IGSF9B: variants seen among roughly 807,000 people sequenced by gnomAD.
IGSF9B encodes protein turtle homolog B.
Under a neutral mutation model 143.7 loss-of-function variants are expected in IGSF9B, and 48 were observed. The ratio of observed to expected loss-of-function variants is 0.33; its 90% CI spans 0.26 to 0.42. IGSF9B has a LOEUF of 0.42. IGSF9B is among the 20% of genes least tolerant of loss of function. The probability of loss-of-function intolerance (pLI) is 1.00; values close to 1 mark genes in which losing one functional copy is unlikely to be tolerated. For missense variants in IGSF9B, 1,706 were observed against 1,980.0 expected, an observed-to-expected ratio of 0.86 and a Z score of 2.63; for synonymous variants, 903 against 833.1, an observed-to-expected ratio of 1.08 and a Z score of -1.44.
intron 1 of IGSF9B, among the ~76,000 whole-genome samples, chr11:133,947,440 C>G (rs1940074104): frequency 6.6e-6 from 1 of 152,238 alleles, no homozygotes; most frequent in South Asian, 2.1e-4. Context: ...GGGCACCCGA[C>G]TCTCCAGGGC....
Position 133,928,026 on chromosome 11 carries a change from T to C in IGSF9B, c.1632-935A>G, listed in dbSNP as rs904828132. ...CCCCAACCTCGGCCCCGCCCTTCCCTGGCCCAGGCAACAAAGCAGCGAGGA... is the reference window on the plus strand; with the variant it reads ...CCCCAACCTCGGCCCCGCCCTTCCCCGGCCCAGGCAACAAAGCAGCGAGGA... On this transcript the variant is annotated intron_variant, in intron 12 of 19. Transcript: ENST00000533871. The surrounding 1 kb of genome is among the most constrained non-coding windows in gnomAD (Gnocchi z 4.7). Among the ~76,000 whole-genome samples the C allele has an allele frequency of 6.6e-5, 10 of 152,156 alleles. No individual in the cohort carries two copies. The highest frequency in any genetic ancestry group is 2.2e-4 in the African/African-American group (9 of 41,424).
Position 133,935,702 on chromosome 11 carries a change from C to T in IGSF9B, c.882G>A (p.Lys294=). 6.2e-7 allele frequency: 1 copy of T among 1,611,074 alleles called. No homozygotes were observed. Among genetic ancestry groups the T allele is most frequent in the Non-Finnish European group, 8.5e-7 (1 of 1,178,870 alleles). ...IDGTLIIFRV[K]PEDSGKYTCV... is the part of the protein sequence containing the mutation. The stretch of plus-strand genomic sequence containing the variant: ...AGGTGTACTTCCCCGAGTCCTCCGG[C>T]TTCACCCGGAAGATGATCAGGGTCC... The change falls in exon 7 of 20, where the codon AAG becomes AAA. Residue 294 remains lysine, a synonymous_variant. Coordinates refer to ENST00000533871, the MANE Select transcript of IGSF9B (RefSeq NM_001277285.4).
intron 18 of IGSF9B, among the ~76,000 whole-genome samples, chr11:133,918,625 G>A (rs1233582127): frequency 6.6e-6 from 1 of 152,034 alleles, no homozygotes; most frequent in African/African-American, 2.4e-5. Flanking sequence ...CTGCGGGTGG[G>A]AGGTGACCTT....
intron 19 of IGSF9B, among the ~76,000 whole-genome samples, chr11:133,911,503 T>A (rs896642328): frequency 1.3e-5 from 2 of 152,112 alleles, no homozygotes; most frequent in African/African-American, 2.4e-5. Flanking sequence ...GAAAAATAGA[T>A]CTGTACTATT....
chr11:133,951,859 G>A (rs1195697324), intron 1 of IGSF9B: 5 of 227,962 alleles, frequency 2.2e-5, no homozygotes, highest in South Asian at 9.4e-5. Context: ...GTGGGAAGCC[G>A]AAGTCCCATG....
chr11:133,915,034 T>C (rs947643525), intron 18 of IGSF9B, among the ~76,000 whole-genome samples: 2 of 152,114 alleles, frequency 1.3e-5, no homozygotes, highest in Non-Finnish European at 2.9e-5. Context: ...CCATAGATGA[T>C]GCCATTACCC....
In IGSF9B at chr11:133,908,832, C is replaced by T. The variant is rs897164711; in HGVS notation, c.*237G>A. ...GGCGGAGGGGAGGAGACAGGTGTTG[C>T]CCAGTCTCCAATCCACTTCCTGACC... On this transcript the variant is annotated 3_prime_UTR_variant, in exon 20 of 20. Transcript: ENST00000533871. The T allele has an allele frequency of 3.9e-6, 2 of 507,298 alleles. No homozygotes were observed. The highest frequency in any genetic ancestry group is 1.9e-5 in the African/African-American group (1 of 52,460). 31.4% of individuals were successfully genotyped at this position (507,298 alleles called of 1,614,324 possible).
At chr11:133,924,976 C>G (rs1448116152) in intron 14 of IGSF9B, 72 bp from the exon 15 acceptor site, 2 of 1,283,534 alleles carry the variant, frequency 1.6e-6, no homozygotes, top group Non-Finnish European at 2.2e-6. Flanking sequence ...CACACTCATC[C>G]TGCACACAGC....
intron 14 of IGSF9B, 25 bp downstream of exon 14, chr11:133,925,714 C>G: frequency 6.3e-7 from 1 of 1,593,414 alleles, no homozygotes; most frequent in Non-Finnish European, 8.6e-7. Flanking sequence ...TGGGAAGCAG[C>G]AGCAAGGAAG....
intron 2 of IGSF9B, among the ~76,000 whole-genome samples, chr11:133,944,986 C>A (rs1940020611): frequency 6.6e-6 from 1 of 152,062 alleles, no homozygotes; most frequent in Admixed American, 6.6e-5. Flanking sequence ...GCAGCAGGGC[C>A]CAGAAGCCTG....
chr11:133,918,974 A>T (rs10791338), intron 18 of IGSF9B: 1 of 471,888 alleles, frequency 2.1e-6, no homozygotes. Context: ...GACGGCAGGG[A>T]AGAAGGATGA....
At position 133,926,901 on chromosome 11, in the gene IGSF9B, AC is replaced by A. The variant is rs758909850; in HGVS notation, c.1807+14del. 3.9e-6 allele frequency: 6 copies of A among 1,556,458 alleles called. No homozygotes were observed. The African/African-American group carries it at 5.5e-5, about 14-fold the overall frequency. ...CTACAACCCCCGCTCCCAACATCCC[AC>A]CCCGGGCCCTCACCTAAAGTGTTCA... On this transcript the variant is annotated intron_variant, in intron 13 of 19. Coordinates refer to ENST00000533871, the MANE Select transcript of IGSF9B (RefSeq NM_001277285.4).
chr11:133,918,993 GAGGCAC>G (rs750342470), intron 18 of IGSF9B: 7 of 478,978 alleles, frequency 1.5e-5, no homozygotes, highest in South Asian at 1.1e-4. Context: ...GAGAGAAGAA[GAGGCAC>G]AGGCAGGCGT....
rs1246585018 is a variant in IGSF9B, at chr11:133,908,928, C to T, written c.*141G>A. Reference sequence around the variant, plus strand: ...GGCGGCCAGGATCTGGAGGGAGACACCCGCTCTGGCAAAAGAGGGGGCATG... The same window carrying T: ...GGCGGCCAGGATCTGGAGGGAGACATCCGCTCTGGCAAAAGAGGGGGCATG... On this transcript the variant is annotated 3_prime_UTR_variant, in exon 20 of 20. Transcript: ENST00000533871. The T allele has an allele frequency of 2.8e-6, 2 of 709,572 alleles. No homozygotes were observed. Among genetic ancestry groups the T allele is most frequent in the South Asian group, 3.7e-5 (2 of 53,432 alleles). The allele number at this position is 709,572 out of a possible 1,614,324, so 44.0% of individuals were successfully genotyped here.
At position 133,946,055 on chromosome 11, in the gene IGSF9B, C is replaced by T. The variant is rs185742877; in HGVS notation, c.262+6G>A. 9 of 1,552,624 alleles carry T rather than the reference C, an allele frequency of 5.8e-6. No homozygotes were observed. The East Asian group carries it at 1.7e-4, about 28-fold the overall frequency. ...AGGTGCGGGAGACCGGGTGCCCAGA[C>T]CTTACCTGCATACTCAGGGTCCACG... On this transcript the variant is annotated splice_donor_region_variant and intron_variant, in intron 2 of 19. Transcript: ENST00000533871.
At chr11:133,937,325 G>T in intron 5 of IGSF9B, 51 bp downstream of exon 5, 2 of 1,384,400 alleles carry the variant, frequency 1.4e-6, no homozygotes, top group Non-Finnish European at 2.0e-6. Flanking sequence ...AGCCGGGCTG[G>T]ACATCCCCGC....
chr11:133,931,329 T>TC lies in IGSF9B; in HGVS notation c.1368+123dup. On this transcript the variant is annotated intron_variant, in intron 10 of 19. Coordinates refer to ENST00000533871, the MANE Select transcript of IGSF9B (RefSeq NM_001277285.4). The surrounding 1 kb of genome is among the most constrained non-coding windows in gnomAD (Gnocchi z 7.7). ...CAGGGCAGGTCCAGAATAGAACTGC[T>TC]CGCTGGGCCCTCACACCTCCCCTCA... 1 of 850,540 alleles carries TC rather than the reference T, an allele frequency of 1.2e-6. No individual in the cohort carries two copies. Among genetic ancestry groups the TC allele is most frequent in the Non-Finnish European group, 1.8e-6 (1 of 542,200 alleles). 52.7% of individuals were successfully genotyped at this position (850,540 alleles called of 1,614,324 possible).
rs567443136 is a variant in IGSF9B at position 133,932,415 on chromosome 11, GCAGA to G, written c.968-206_968-203del. On this transcript the variant is annotated intron_variant, in intron 7 of 19. Transcript: ENST00000533871. Reference sequence around the variant, plus strand: ...AGACACAGGGAAGCCAGGTGGGAGAGCAGACAGACAGACAGATACAGGGACAGAC... The same window carrying G: ...AGACACAGGGAAGCCAGGTGGGAGAGCAGACAGACAGATACAGGGACAGAC... Among the ~76,000 whole-genome samples, 737 of 143,780 alleles carry G rather than the reference GCAGA, an allele frequency of 5.1e-3. 8 individuals are homozygous for G. The highest frequency in any genetic ancestry group is 0.018 in the African/African-American group (689 of 38,234). 94.3% of individuals were successfully genotyped at this position (143,780 alleles called of 152,430 possible).
intron 7 of IGSF9B, among the ~76,000 whole-genome samples, chr11:133,935,150 G>A (rs1388719049): frequency 6.6e-6 from 1 of 152,234 alleles, no homozygotes; most frequent in Non-Finnish European, 1.5e-5. Flanking sequence ...AGGCGCAGGA[G>A]CTGGAGCACA....
Sources: gnomAD v4.1 joint callset for allele counts (sites outside exome capture counted in the v4.1 genomes callset) on GRCh38, gnomAD v4.1.1 for gene constraint, Gnocchi (gnomAD v3.1) non-coding constraint, MANE v1.5 for transcripts, NCBI Gene and HGNC (gene_info 2026-07-23, HGNC 2026-07-21) for gene names.